SI: variants seen among roughly 807,000 people sequenced by gnomAD.
SI encodes sucrase-isomaltase.
SI carries 235 observed loss-of-function variants against 253.3 expected under a neutral mutation model. The observed-to-expected ratio is 0.93, with a 90% confidence interval of 0.83 to 1.03. The LOEUF (loss-of-function observed/expected upper bound fraction) is 1.03. SI is among the 50% of genes least tolerant of loss of function. The pLI is 0.00. For synonymous variants in SI, 819 were observed against 712.0 expected, an observed-to-expected ratio of 1.15 and a Z score of -2.39; for missense variants, 2,442 against 2,211.1, an observed-to-expected ratio of 1.10 and a Z score of -2.09.
chr3:165,044,887 C>T (rs553972099), intron 16 of SI, among the ~76,000 whole-genome samples: 81 of 152,100 alleles, frequency 5.3e-4, no homozygotes, highest in Admixed American at 7.9e-4. Context: ...TTATTTTACA[C>T]ACATAGGTCC....
chr3:165,050,110 T>A (rs962207151), intron 13 of SI, among the ~76,000 whole-genome samples: 2 of 152,140 alleles, frequency 1.3e-5, no homozygotes, highest in African/African-American at 4.8e-5. Context: ...GTGTCTAGTT[T>A]TGATTATATA....
At chr3:165,001,858 C>T (rs762685042) in intron 37 of SI, among the ~76,000 whole-genome samples, 5 of 151,356 alleles carry the variant, frequency 3.3e-5, no homozygotes, top group Non-Finnish European at 7.4e-5. Context: ...AATGCCCCCA[C>T]TTCAAAAAGG....
chr3:165,074,610 T>A lies in SI; in HGVS notation c.176A>T (p.Asp59Val). Residue 59 changes from aspartate to valine, a missense_variant, in exon 3 of 48, where the codon GAT becomes GTT. Asp to Val is a radical substitution (Grantham distance 152). Transcript: ENST00000264382. ...TAACACATTTGGACATTTTCCTGAATCAGAAGGATTTGTAGTCACACGAGT... is the reference window on the plus strand; with the variant it reads ...TAACACATTTGGACATTTTCCTGAAACAGAAGGATTTGTAGTCACACGAGT... ...ATTRVTTNPS[D>V]SGKCPNVLND... 1 of 1,610,728 alleles carries A rather than the reference T, an allele frequency of 6.2e-7. No individual in the cohort carries two copies. Among genetic ancestry groups the A allele is most frequent in the Non-Finnish European group, 8.5e-7 (1 of 1,177,696 alleles).
Position 165,004,250 on chromosome 3 carries a change from C to T in SI, c.4406+2566G>A, listed in dbSNP as rs143186603. On this transcript the variant is annotated intron_variant, in intron 37 of 47. Coordinates refer to ENST00000264382, the MANE Select transcript of SI (RefSeq NM_001041.4). ...AATGCAAATCACAACTACAATGAGA[C>T]ATCATCTCGCCCTAGTTAAAATGGC... Among the ~76,000 whole-genome samples, 98 of 152,218 alleles carry T rather than the reference C, an allele frequency of 6.4e-4. 2 individuals are homozygous for T. Among genetic ancestry groups the T allele is most frequent in the African/African-American group, 2.1e-3 (86 of 41,558 alleles).
intron 24 of SI, among the ~76,000 whole-genome samples, chr3:165,031,568 A>G (rs937428537): frequency 1.3e-5 from 2 of 150,136 alleles, no homozygotes; most frequent in African/African-American, 4.9e-5. Flanking sequence ...TATGCCTATT[A>G]AATAAAAAAT....
chr3:164,996,238 C>T (rs1718002306), intron 40 of SI, among the ~76,000 whole-genome samples: 1 of 151,740 alleles, frequency 6.6e-6, no homozygotes, highest in Non-Finnish European at 1.5e-5. Context: ...TGTCTTTAAC[C>T]TGTCCATCAT....
intron 8 of SI, 147 bp from the exon 9 acceptor site, chr3:165,062,630 G>T: frequency 1.7e-6 from 1 of 574,770 alleles, no homozygotes. Context: ...ATTGAATGCA[G>T]GAATAACATA....
chr3:165,021,358 T>A lies in SI; in HGVS notation c.3125A>T (p.Tyr1042Phe), dbSNP rs770444068. The A allele has an allele frequency of 2.5e-6, 4 of 1,610,604 alleles. No individual in the cohort carries two copies. Among genetic ancestry groups the A allele is most frequent in the East Asian group, 4.5e-5 (2 of 44,742 alleles). Residue 1042 changes from tyrosine (Y) to phenylalanine (F), a missense_variant, in exon 27 of 48, where the codon TAT becomes TTT. Physicochemically the swap from Tyr to Phe is conservative, Grantham distance 22 (BLOSUM62 3). Transcript: ENST00000264382. ...FKIYDPQKKRYEVPVPLNIPT... is the reference protein window; with the variant it reads ...FKIYDPQKKRFEVPVPLNIPT... ...AATGTTTAACGGTACTGGTACTTCA[T>A]ATCTCTTCTTTTGGGGATCATAAAT... is the stretch of plus-strand genomic sequence containing the variant.
At chr3:165,038,133 G>T (rs913857821) in intron 20 of SI, 109 bp from the exon 21 acceptor site, 1 of 968,086 alleles carries the variant, frequency 1.0e-6, no homozygotes, top group Non-Finnish European at 1.6e-6. Context: ...TCATCCAAAT[G>T]AATACGAATA....
At chr3:165,041,661 T>C (rs548743209) in intron 17 of SI, among the ~76,000 whole-genome samples, 1 of 152,212 alleles carries the variant, frequency 6.6e-6, no homozygotes, top group South Asian at 2.1e-4. Context: ...CCTGTAGACT[T>C]ACAATTTGTA....
chr3:164,989,088 TAATAAATA>T (rs143651827), intron 44 of SI, among the ~76,000 whole-genome samples: 1 of 148,414 alleles, frequency 6.7e-6, no homozygotes, highest in Non-Finnish European at 1.5e-5. Context: ...AGTATAATAA[TAATAAATA>T]AATAAATAAA....
intron 21 of SI, 48 bp from the exon 22 acceptor site, chr3:165,036,525 T>C (rs769810322): frequency 1.5e-6 from 2 of 1,293,064 alleles, no homozygotes; most frequent in South Asian, 1.2e-5. Context: ...AAATCCATAA[T>C]AATACAATAT....
chr3:165,012,435 T>C (rs1487639008), intron 34 of SI, among the ~76,000 whole-genome samples: 1 of 152,092 alleles, frequency 6.6e-6, no homozygotes. Flanking sequence ...TGTTGTTTTG[T>C]TTTGTTTTTT....
intron 22 of SI, among the ~76,000 whole-genome samples, chr3:165,034,541 G>C (rs1157591484): frequency 6.6e-6 from 1 of 151,930 alleles, no homozygotes; most frequent in African/African-American, 2.4e-5. Context: ...TACTACATAA[G>C]CCAGAGAATA....
intron 16 of SI, among the ~76,000 whole-genome samples, chr3:165,044,149 T>A (rs1484425007): frequency 1.3e-5 from 2 of 152,018 alleles, no homozygotes; most frequent in Admixed American, 1.3e-4. Flanking sequence ...ATTTGCTCAT[T>A]TAAGTCATTT....
chr3:165,052,515 G>A (rs1481506024), intron 13 of SI, among the ~76,000 whole-genome samples: 2 of 152,086 alleles, frequency 1.3e-5, no homozygotes, highest in Admixed American at 1.3e-4. Flanking sequence ...AATTAGCTGG[G>A]CGTGGTGAAG....
At chr3:164,984,790 A>T (rs1048263511) in intron 45 of SI, among the ~76,000 whole-genome samples, 6 of 152,152 alleles carry the variant, frequency 3.9e-5, no homozygotes, top group African/African-American at 1.2e-4. Context: ...CAAAATTTGA[A>T]CATGTTTGTT....
At chr3:165,084,276 G>T in the SI span, among the ~76,000 whole-genome samples, 3 of 152,012 alleles carry the variant, frequency 2.0e-5, no homozygotes, top group Non-Finnish European at 4.4e-5. Context: ...CAACACCCAT[G>T]ATTGTGGGAA....
At position 164,996,562 on chromosome 3, in the gene SI, T is replaced by A; in HGVS notation, c.4665A>T (p.Ser1555=). The A allele has an allele frequency of 6.3e-7, 1 of 1,596,562 alleles. No individual in the cohort carries two copies. The highest frequency in any genetic ancestry group is 8.6e-7 in the Non-Finnish European group (1 of 1,164,652). ...WMQLGAFYPY[S]RNHNIANTRR... ...TAGTATTTGCAATGTTGTGATTCCT[T>A]GAGTATGGATAAAATGCTCCAAGTT... Residue 1555 remains serine (S), a synonymous_variant, in exon 40 of 48, where the codon TCA becomes TCT. Transcript: ENST00000264382.
Sources: gnomAD v4.1 joint callset for allele counts (sites outside exome capture counted in the v4.1 genomes callset) on GRCh38, gnomAD v4.1.1 for gene constraint, MANE v1.5 for transcripts, NCBI Gene and HGNC (gene_info 2026-07-23, HGNC 2026-07-21) for gene names.